Variants in CFAP54 observed in about 807,000 individuals in gnomAD.
CFAP54 encodes the protein cilia and flagella associated protein 54.
A neutral mutation model predicts 370.4 loss-of-function variants in CFAP54; 290 were observed. The observed-to-expected ratio is 0.78, with a 90% CI of 0.71 to 0.86. The LOEUF is 0.86. CFAP54 is among the 40% of genes least tolerant of loss of function. CFAP54 has a pLI of 0.00. For synonymous variants in CFAP54, 1,206 were observed against 1,236.5 expected, an observed-to-expected ratio of 0.98 and a Z score of 0.52; for missense variants, 3,399 against 3,528.7, an observed-to-expected ratio of 0.96 and a Z score of 0.93.
At position 96,649,914 on chromosome 12, in the gene CFAP54, A is replaced by T; in HGVS notation, c.4714A>T (p.Ile1572Phe). 6.3e-7 allele frequency: 1 copy of T among 1,598,986 alleles called. No homozygotes were observed. The highest frequency in any genetic ancestry group is 2.2e-5 in the East Asian group (1 of 44,714). ...AGATGCTGAAGAATTTTCTACATTTATTAATTCCATAATGAGTGATGAAAA... is the reference window on the plus strand; with the variant it reads ...AGATGCTGAAGAATTTTCTACATTTTTTAATTCCATAATGAGTGATGAAAA... ...PSDAEEFSTFINSIMSDENMS... is the reference protein window; with the variant it reads ...PSDAEEFSTFFNSIMSDENMS... The change falls in exon 35 of 68, where the codon ATT becomes TTT. Residue 1572 changes from isoleucine (I) to phenylalanine (F), a missense_variant. Physicochemically the swap from Ile to Phe is conservative, Grantham distance 21 (BLOSUM62 0). Coordinates refer to ENST00000524981, the MANE Select transcript of CFAP54 (RefSeq NM_001306084.2).
chr12:96,699,295 G>A (rs529173789), intron 45 of CFAP54, among the ~76,000 whole-genome samples: 3 of 152,274 alleles, frequency 2.0e-5, no homozygotes, highest in South Asian at 2.1e-4. Context: ...TTACTCAGGC[G>A]TGGAAAGTTA....
chr12:96,557,079 T>G (rs1955761302), intron 17 of CFAP54, among the ~76,000 whole-genome samples: 1 of 152,134 alleles, frequency 6.6e-6, no homozygotes, highest in South Asian at 2.1e-4. Flanking sequence ...AAAATCAAGG[T>G]GTCAACCGAG....
At chr12:96,491,746 C>A (rs1954887526) in intron 1 of CFAP54, among the ~76,000 whole-genome samples, 1 of 152,024 alleles carries the variant, frequency 6.6e-6, no homozygotes. Context: ...CCATTATATA[C>A]CTACTCTATA....
chr12:96,620,822 G>A (rs1170428735), intron 26 of CFAP54, among the ~76,000 whole-genome samples: 2 of 152,236 alleles, frequency 1.3e-5, no homozygotes, highest in Non-Finnish European at 2.9e-5. Context: ...TATAAACAAG[G>A]TGCAGACAGC....
At chr12:96,607,696 G>A (rs1329507328) in intron 26 of CFAP54, among the ~76,000 whole-genome samples, 1 of 152,128 alleles carries the variant, frequency 6.6e-6, no homozygotes, top group Non-Finnish European at 1.5e-5. Flanking sequence ...AATACATGTG[G>A]GTGAAATCCC....
intron 15 of CFAP54, among the ~76,000 whole-genome samples, chr12:96,553,461 T>C (rs1264099356): frequency 2.7e-5 from 4 of 148,796 alleles, no homozygotes; most frequent in Non-Finnish European, 5.9e-5. Context: ...GGAGTGGCAC[T>C]GTGGACAGTT....
rs1023982522 is a variant in CFAP54 at position 96,623,826 on chromosome 12, G to A, written c.3831G>A (p.Lys1277=). The change falls in exon 28 of 68, where the codon AAG becomes AAA. Residue 1277 remains lysine, a synonymous_variant. Coordinates refer to ENST00000524981, the MANE Select transcript of CFAP54 (RefSeq NM_001306084.2). ...CACAGCAGATACTACTGCCTGAAAAGATAAATGAACAGCTGGCCTTGTTGG... is the reference window on the plus strand; with the variant it reads ...CACAGCAGATACTACTGCCTGAAAAAATAAATGAACAGCTGGCCTTGTTGG... The part of the protein sequence containing the change: ...KKPQQILLPE[K]INEQLALLET... 2 of 1,535,694 alleles carry A rather than the reference G, an allele frequency of 1.3e-6. No individual in the cohort carries two copies. The highest frequency in any genetic ancestry group is 2.7e-5 in the African/African-American group (2 of 73,018).
intron 66 of CFAP54, among the ~76,000 whole-genome samples, chr12:96,830,803 C>T (rs1008069695): frequency 2.0e-5 from 3 of 152,026 alleles, no homozygotes; most frequent in Admixed American, 6.6e-5. Flanking sequence ...CTCAGCCTCT[C>T]GAGCAGCTGG....
intron 3 of CFAP54, among the ~76,000 whole-genome samples, chr12:96,504,791 C>T (rs575886033): frequency 6.6e-6 from 1 of 152,184 alleles, no homozygotes; most frequent in African/African-American, 2.4e-5. Context: ...TTTGGCTGTA[C>T]CATAGGTACG....
intron 50 of CFAP54, among the ~76,000 whole-genome samples, chr12:96,728,862 A>T (rs1041622747): frequency 2.6e-5 from 4 of 152,082 alleles, no homozygotes; most frequent in African/African-American, 9.7e-5. Flanking sequence ...TTTGGTGTGG[A>T]TGTCCTTTCT....
intron 48 of CFAP54, among the ~76,000 whole-genome samples, chr12:96,715,931 A>G (rs1366642510): frequency 2.0e-5 from 3 of 152,126 alleles, no homozygotes; most frequent in African/African-American, 4.8e-5. Flanking sequence ...TGTAGATAAC[A>G]TAGCAGCTAG....
At chr12:96,805,555 G>A (rs1340832497) in intron 63 of CFAP54, among the ~76,000 whole-genome samples, 2 of 142,486 alleles carry the variant, frequency 1.4e-5, no homozygotes, top group African/African-American at 5.2e-5. Flanking sequence ...CAGTCAGAAT[G>A]ACTATTATTA....
At chr12:96,754,764 G>A (rs967353036) in intron 56 of CFAP54, among the ~76,000 whole-genome samples, 5 of 149,830 alleles carry the variant, frequency 3.3e-5, no homozygotes, top group African/African-American at 1.2e-4. Context: ...TTTTTTTTGA[G>A]GTGTAGTCTC....
At chr12:96,632,919 A>G (rs1023529580) in intron 32 of CFAP54, among the ~76,000 whole-genome samples, 6 of 152,068 alleles carry the variant, frequency 3.9e-5, no homozygotes, top group African/African-American at 7.2e-5. Context: ...ATAAATTTCT[A>G]TGATTTTCTC....
chr12:96,647,472 C>CAAAAAAAAAAAAA (rs57089692), intron 33 of CFAP54, among the ~76,000 whole-genome samples: 3,300 of 40,716 alleles, frequency 0.081, 633 homozygotes, highest in Non-Finnish European at 0.099. Context: ...GACTCTGTCC[C>CAAAAAAAAAAAAA]AAAAAAAAAA....
chr12:96,506,532 G>A (rs979932097), intron 3 of CFAP54, among the ~76,000 whole-genome samples: 7 of 148,672 alleles, frequency 4.7e-5, no homozygotes, highest in East Asian at 3.9e-4. Context: ...TTTACATTTT[G>A]AGAAATGCTT....
intron 12 of CFAP54, among the ~76,000 whole-genome samples, chr12:96,537,634 G>C (rs116134431): frequency 0.026 from 3,885 of 152,170 alleles, 115 homozygotes; most frequent in African/African-American, 0.07. Flanking sequence ...GAGCCGCTGC[G>C]CCTGTCCAAT....
chr12:96,608,459 CT>C (rs5800258), intron 26 of CFAP54, among the ~76,000 whole-genome samples: 1,246 of 106,904 alleles, frequency 0.012, 2 homozygotes, highest in Non-Finnish European at 0.016. Flanking sequence ...CATAGTAGGA[CT>C]TTTTTTTTTT....
intron 27 of CFAP54, 150 bp downstream of exon 27, chr12:96,621,871 G>GTTTTTTTTTTTTTTTTTT (rs1290967830): frequency 1.9e-5 from 1 of 51,416 alleles, no homozygotes; most frequent in East Asian, 1.5e-3. Context: ...GAGCTTTTGG[G>GTTTTTTTTTTTTTTTTTT]TTTGTTTTTT....
Sources: gnomAD v4.1 joint callset for allele counts (sites outside exome capture counted in the v4.1 genomes callset) on GRCh38, gnomAD v4.1.1 for gene constraint, MANE v1.5 for transcripts, NCBI Gene and HGNC (gene_info 2026-07-23, HGNC 2026-07-21) for gene names.